The following CTBP2 variants were observed in gnomAD, a reference collection of about 807,000 sequenced individuals.
CTBP2 encodes the protein C-terminal binding protein 2.
A neutral mutation model predicts 80.3 loss-of-function variants in CTBP2; 30 were observed. The ratio of observed to expected loss-of-function variants is 0.37; its 90% CI spans 0.28 to 0.51. The LOEUF (loss-of-function observed/expected upper bound fraction) is 0.51. Among genes scored for constraint, CTBP2 ranks in the 20% least tolerant of loss-of-function variants. CTBP2 has a pLI of 0.93. For missense variants in CTBP2, 1,212 were observed against 1,375.3 expected, an observed-to-expected ratio of 0.88 and a Z score of 1.88; for synonymous variants, 594 against 587.4, an observed-to-expected ratio of 1.01 and a Z score of -0.16.
chr10:125,153,026 T>C (rs1251987771), intron 1 of CTBP2, among the ~76,000 whole-genome samples: 1 of 152,266 alleles, frequency 6.6e-6, no homozygotes, highest in African/African-American at 2.4e-5. Flanking sequence ...GAGCCTTGGC[T>C]GGCACTGGGA....
In CTBP2 at chr10:125,026,210, G is replaced by A. The variant is rs769953882; in HGVS notation, c.1550C>T (p.Ala517Val). 51 of 1,613,386 alleles carry A rather than the reference G, an allele frequency of 3.2e-5. No homozygotes were observed. Among genetic ancestry groups the A allele is most frequent in the Non-Finnish European group, 3.9e-5 (46 of 1,179,832 alleles). Residue 517 changes from alanine (A) to valine (V), a missense_variant, in exon 1 of 9, where the codon GCA becomes GTA. Physicochemically the swap from Ala to Val is moderately conservative, Grantham distance 64. Transcript: ENST00000309035. ...CGGCAGGGTGGATGGCCCCAGGGGT[G>A]CACCTGGCTTCCGCAAGACCTGGGG... is the stretch of plus-strand genomic sequence containing the variant.
intron 2 of CTBP2, among the ~76,000 whole-genome samples, chr10:125,096,670 T>C (rs1041221541): frequency 6.6e-6 from 1 of 150,758 alleles, no homozygotes; most frequent in Non-Finnish European, 1.5e-5. Flanking sequence ...GATTATCATA[T>C]ACATTAAGGT....
At chr10:125,134,049 T>C (rs901706037) in intron 1 of CTBP2, among the ~76,000 whole-genome samples, 1 of 152,166 alleles carries the variant, frequency 6.6e-6, no homozygotes, top group African/African-American at 2.4e-5. Flanking sequence ...CAGATCAGAT[T>C]TGAAAAGGAC....
intron 1 of CTBP2, among the ~76,000 whole-genome samples, chr10:125,115,438 A>C (rs1015818958): frequency 2.0e-5 from 3 of 152,222 alleles, no homozygotes; most frequent in African/African-American, 4.8e-5. Flanking sequence ...AGGAGTTAGC[A>C]AGAATTAATC....
chr10:125,139,376 A>G (rs1857440647), intron 1 of CTBP2, among the ~76,000 whole-genome samples: 1 of 12,808 alleles, frequency 7.8e-5, no homozygotes, highest in Non-Finnish European at 3.1e-4. Flanking sequence ...GACTGTCTCA[A>G]AAAAAAAAAA....
chr10:125,001,378 G>A (rs1175026789), intron 3 of CTBP2: 1 of 152,144 alleles, frequency 6.6e-6, no homozygotes, highest in Non-Finnish European at 1.5e-5. Flanking sequence ...TTGAAACTTG[G>A]GATTTCAGCT....
At chr10:125,100,889 A>C (rs1442720203) in intron 2 of CTBP2, 2 of 152,230 alleles carry the variant, frequency 1.3e-5, no homozygotes, top group African/African-American at 2.4e-5. Context: ...AGACTTTTGA[A>C]ATTTACTGAA....
rs1459742519 is a variant in CTBP2 at position 125,027,919 on chromosome 10, A to C, written c.-160T>G. ...GTTTCAAAGCATGGCCTGAATTATT[A>C]ATCCTCCGAAACCTTAGCAGACAAA... On this transcript the variant is annotated 5_prime_UTR_variant, in exon 1 of 9. Coordinates refer to ENST00000309035, the MANE Select transcript of CTBP2 (RefSeq NM_022802.3). 4.9e-6 allele frequency: 7 copies of C among 1,423,450 alleles called. No individual in the cohort carries two copies. The highest frequency in any genetic ancestry group is 6.4e-6 in the Non-Finnish European group (7 of 1,093,486). The allele number at this position is 1,423,450 out of a possible 1,614,324, so 88.2% of individuals were successfully genotyped here.
chr10:125,023,986 C>T (rs139288349), intron 1 of CTBP2, among the ~76,000 whole-genome samples: 3 of 152,284 alleles, frequency 2.0e-5, no homozygotes, highest in South Asian at 2.1e-4. Flanking sequence ...TTCAGGCTGG[C>T]GGCGTCCCAA....
At chr10:125,126,923 ATT>A (rs1491548012) in intron 1 of CTBP2, among the ~76,000 whole-genome samples, 96 of 132,370 alleles carry the variant, frequency 7.3e-4, no homozygotes, top group African/African-American at 1.9e-3. Context: ...ACACACACAC[ATT>A]CTCTCTCTCT....
chr10:124,992,066 CATCCTGAGTTGATTGTACT>C (rs1250507112), intron 8 of CTBP2, among the ~76,000 whole-genome samples: 2 of 152,156 alleles, frequency 1.3e-5, no homozygotes, highest in African/African-American at 2.4e-5. Flanking sequence ...ACAAGGTCAT[CATCCTGAGTTGATTGTACT>C]ATCCTGAGTT....
chr10:125,095,987 G>A (rs1042644829), intron 2 of CTBP2, among the ~76,000 whole-genome samples: 2 of 152,150 alleles, frequency 1.3e-5, no homozygotes, highest in African/African-American at 4.8e-5. Flanking sequence ...CCGTTTCTAG[G>A]AAGCCCTATG....
intron 1 of CTBP2, among the ~76,000 whole-genome samples, chr10:125,010,385 G>C (rs369649159): frequency 3.3e-5 from 5 of 152,218 alleles, no homozygotes; most frequent in Admixed American, 3.3e-4. Context: ...CAGAGGCTGC[G>C]ATTTCATTTT....
chr10:125,120,193 AGGGCTCAGCCAAAGGAGACTTCCCAGT>A, intron 1 of CTBP2, among the ~76,000 whole-genome samples: 1 of 152,232 alleles, frequency 6.6e-6, no homozygotes, highest in East Asian at 1.9e-4. Context: ...AAGCCTTGTC[AGGGCTCAGCCAAAGGAGACTTCCCAGT>A]GGGCTCCAGC....
At chr10:124,998,701 A>C (rs1405285940) in intron 3 of CTBP2, 1 of 172,266 alleles carries the variant, frequency 5.8e-6, no homozygotes, top group African/African-American at 2.4e-5. Flanking sequence ...ACACGGATGC[A>C]AGGGCTGGCC....
At chr10:125,140,285 T>C (rs1054443541) in intron 1 of CTBP2, among the ~76,000 whole-genome samples, 1 of 151,746 alleles carries the variant, frequency 6.6e-6, no homozygotes, top group Non-Finnish European at 1.5e-5. Context: ...GGTTTTCTCA[T>C]ACTGCAAATG....
intron 1 of CTBP2, among the ~76,000 whole-genome samples, chr10:125,157,540 C>T (rs1405319513): frequency 2.0e-5 from 3 of 152,124 alleles, no homozygotes; most frequent in Admixed American, 2.0e-4. Context: ...CTGCTTTCCA[C>T]AGGGATGTAA....
At chr10:125,129,927 G>A (rs935632997) in intron 1 of CTBP2, among the ~76,000 whole-genome samples, 6 of 152,204 alleles carry the variant, frequency 3.9e-5, no homozygotes, top group East Asian at 1.9e-4. Context: ...ACCCTGCACC[G>A]AAAAGGGCCC....
chr10:125,073,747 T>C (rs1271105439), intron 2 of CTBP2, among the ~76,000 whole-genome samples: 6 of 152,190 alleles, frequency 3.9e-5, no homozygotes, highest in African/African-American at 9.7e-5. Context: ...TCTTAGAACA[T>C]AGTGAAGTTC....
Sources: gnomAD v4.1 joint callset for allele counts (sites outside exome capture counted in the v4.1 genomes callset) on GRCh38, gnomAD v4.1.1 for gene constraint, MANE v1.5 for transcripts, NCBI Gene and HGNC (gene_info 2026-07-23, HGNC 2026-07-21) for gene names.